The following NXPH1 variants were observed in gnomAD, a reference collection of about 807,000 sequenced individuals.
NXPH1 encodes neurexophilin 1.
In NXPH1, 5 loss-of-function variants were observed where a neutral mutation model predicts 23.7. The ratio of observed to expected loss-of-function variants is 0.21; its 90% confidence interval spans 0.11 to 0.44. The LOEUF (loss-of-function observed/expected upper bound fraction) is 0.44, where lower values mean the gene tolerates loss of function less well. Ranked by LOEUF, NXPH1 falls within the 20% of genes least tolerant of loss-of-function variation. NXPH1 has a pLI of 0.99. For missense variants in NXPH1, 324 were observed against 321.6 expected, an observed-to-expected ratio of 1.01 and a Z score of -0.06; for synonymous variants, 144 against 122.2, an observed-to-expected ratio of 1.18 and a Z score of -1.18.
At chr7:8,571,817 G>A (rs143070807) in intron 2 of NXPH1, among the ~76,000 whole-genome samples, 2 of 151,608 alleles carry the variant, frequency 1.3e-5, no homozygotes, top group East Asian at 3.9e-4. Context: ...AGGAATTCAA[G>A]CTCTGGAATT....
Position 8,751,015 on chromosome 7 carries a change from G to A in NXPH1, c.62G>A (p.Cys21Tyr). The A allele has an allele frequency of 1.2e-6, 2 of 1,613,516 alleles. No individual in the cohort carries two copies. Among genetic ancestry groups the A allele is most frequent in the Non-Finnish European group, 1.7e-6 (2 of 1,179,498 alleles). Residue 21 changes from cysteine (C) to tyrosine (Y), a missense_variant, in exon 3 of 3, where the codon TGT (cysteine) becomes TAT (tyrosine). Transcript: ENST00000405863. This position sits in a 1 kb window ranked among gnomAD's most constrained non-coding sequence, Gnocchi z 4.5. ...TTTCTCTTCTGTTTTCAGGTCACAT[G>A]TGCCAATTTAACGAACGGTGGAAAG... Reference protein sequence around the residue: ...LLQPTVYLVTCANLTNGGKSE... With the variant: ...LLQPTVYLVTYANLTNGGKSE...
chr7:8,557,736 T>A (rs1818383790), intron 2 of NXPH1, among the ~76,000 whole-genome samples: 1 of 151,674 alleles, frequency 6.6e-6, no homozygotes, highest in Non-Finnish European at 1.5e-5. Context: ...AAACCTCCAG[T>A]GAAATTCATC....
rs1424880912 is a variant in NXPH1, at chr7:8,710,647, GTTT to G, written c.55-40337_55-40335del. Among the ~76,000 whole-genome samples, 14 of 51,718 alleles carry G rather than the reference GTTT, an allele frequency of 2.7e-4. 1 individual carries two copies. Among genetic ancestry groups the G allele is most frequent in the Admixed American group, 1.9e-3 (7 of 3,764 alleles). 33.9% of individuals were successfully genotyped at this position (51,718 alleles called of 152,430 possible). ...AAGCATGTCAACTGTTACGTTTTTT[GTTT>G]TTTTTTTTTTTTTTTTTTTTTTTGA... is the stretch of plus-strand genomic sequence containing the variant. On this transcript the variant is annotated intron_variant, in intron 2 of 2. Coordinates refer to ENST00000405863, the MANE Select transcript of NXPH1 (RefSeq NM_152745.3).
At chr7:8,591,172 G>C (rs10227930) in intron 2 of NXPH1, among the ~76,000 whole-genome samples, 44,296 of 151,974 alleles carry the variant, frequency 0.29, 7,458 homozygotes, top group African/African-American at 0.46. Context: ...AGTGTTTACA[G>C]TGGGATAAAC....
chr7:8,519,807 A>T (rs1817741081), intron 2 of NXPH1, among the ~76,000 whole-genome samples: 1 of 152,166 alleles, frequency 6.6e-6, no homozygotes, highest in Non-Finnish European at 1.5e-5. Flanking sequence ...ACAAGAAAAA[A>T]ATATATATAC....
intron 2 of NXPH1, among the ~76,000 whole-genome samples, chr7:8,465,095 C>G (rs974537688): frequency 6.6e-6 from 1 of 152,148 alleles, no homozygotes; most frequent in Non-Finnish European, 1.5e-5. Flanking sequence ...TAACTAGAAA[C>G]AGTGGGACTT....
rs576333164 is a variant in NXPH1, at chr7:8,732,695, G to A, written c.55-18313G>A. On this transcript the variant is annotated intron_variant, in intron 2 of 2. Coordinates refer to ENST00000405863, the MANE Select transcript of NXPH1 (RefSeq NM_152745.3). ...ACTCAGGGGTCCTTAGATGAGATAC[G>A]CCTTATAACTTTTAAAAAAATGTAA... Among the ~76,000 whole-genome samples the A allele has an allele frequency of 9.2e-5, 14 of 151,968 alleles. No individual in the cohort carries two copies. In the South Asian group the frequency reaches 2.1e-3, roughly 23 times the overall value.
At chr7:8,742,404 A>C in intron 2 of NXPH1, among the ~76,000 whole-genome samples, 1 of 152,288 alleles carries the variant, frequency 6.6e-6, no homozygotes, top group African/African-American at 2.4e-5. Context: ...GATCTATCAC[A>C]CAAAACGTAT....
intron 2 of NXPH1, among the ~76,000 whole-genome samples, chr7:8,598,620 C>G (rs1382444733): frequency 6.6e-6 from 1 of 151,990 alleles, no homozygotes; most frequent in African/African-American, 2.4e-5. Flanking sequence ...GAAAAGAAAC[C>G]TTTTTTATTG....
chr7:8,750,572 A>T (rs1291231644), intron 2 of NXPH1, among the ~76,000 whole-genome samples: 1 of 152,168 alleles, frequency 6.6e-6, no homozygotes, highest in Non-Finnish European at 1.5e-5. Context: ...ATAAAATTTG[A>T]TTTCAAAAAT....
intron 2 of NXPH1, among the ~76,000 whole-genome samples, chr7:8,678,460 C>A (rs1171720077): frequency 6.6e-6 from 1 of 152,120 alleles, no homozygotes. Context: ...GGTCCTTTTG[C>A]ATCTCCAGTG....
intron 2 of NXPH1, among the ~76,000 whole-genome samples, chr7:8,664,677 C>T (rs371223774): frequency 1.3e-5 from 2 of 151,990 alleles, no homozygotes; most frequent in Non-Finnish European, 2.9e-5. Context: ...TTTCTCACCT[C>T]GTCACCCACA....
Position 8,491,916 on chromosome 7 carries a change from A to G in NXPH1, c.54+56149A>G, listed in dbSNP as rs1226969652. On this transcript the variant is annotated intron_variant, in intron 2 of 2. Transcript: ENST00000405863. The stretch of plus-strand genomic sequence containing the variant: ...CGCCTTTTAGTTTATGATCAAAATC[A>G]ATGAGGACTGAAGCTTTCCACAGCC... Among the ~76,000 whole-genome samples, 4 of 152,062 alleles carry G rather than the reference A, an allele frequency of 2.6e-5. No homozygotes were observed. In the South Asian group the frequency reaches 8.3e-4, roughly 31 times the overall value.
intron 2 of NXPH1, among the ~76,000 whole-genome samples, chr7:8,620,697 C>G (rs190479300): frequency 1.3e-3 from 202 of 152,308 alleles, no homozygotes; most frequent in African/African-American, 4.6e-3. Flanking sequence ...TAATTCTACG[C>G]TTTAGAATTA....
intron 2 of NXPH1, among the ~76,000 whole-genome samples, chr7:8,529,604 C>T (rs1408408589): frequency 6.6e-6 from 1 of 152,134 alleles, no homozygotes; most frequent in Non-Finnish European, 1.5e-5. Context: ...TTGGCTTTGC[C>T]AGTTATTAAA....
chr7:8,708,333 C>A (rs1159211775), intron 2 of NXPH1, among the ~76,000 whole-genome samples: 1 of 151,924 alleles, frequency 6.6e-6, no homozygotes, highest in Non-Finnish European at 1.5e-5. Context: ...ACCTAGAATG[C>A]ATGTTTTTCT....
intron 2 of NXPH1, among the ~76,000 whole-genome samples, chr7:8,562,075 T>C (rs1818455463): frequency 6.6e-6 from 1 of 151,690 alleles, no homozygotes; most frequent in African/African-American, 2.4e-5. Flanking sequence ...TGGCATGCTA[T>C]TGACTTATGA....
chr7:8,720,809 A>T (rs1292929103), intron 2 of NXPH1, among the ~76,000 whole-genome samples: 1 of 152,214 alleles, frequency 6.6e-6, no homozygotes, highest in Non-Finnish European at 1.5e-5. Flanking sequence ...TTTCTCTAAT[A>T]TCAATTTGTC....
chr7:8,679,105 G>A (rs1269619095), intron 2 of NXPH1, among the ~76,000 whole-genome samples: 4 of 151,206 alleles, frequency 2.6e-5, no homozygotes, highest in African/African-American at 9.7e-5. Flanking sequence ...CCACCACCAC[G>A]CCCGGCTAAT....
Sources: gnomAD v4.1 joint callset for allele counts (sites outside exome capture counted in the v4.1 genomes callset) on GRCh38, gnomAD v4.1.1 for gene constraint, Gnocchi (gnomAD v3.1) non-coding constraint, MANE v1.5 for transcripts, NCBI Gene and HGNC (gene_info 2026-07-23, HGNC 2026-07-21) for gene names.